TBC1D19: variants seen among roughly 807,000 people sequenced by gnomAD.
TBC1D19 encodes TBC1 domain family member 19.
A neutral mutation model predicts 89.0 loss-of-function variants in TBC1D19; 60 were observed. The ratio of observed to expected loss-of-function variants is 0.67; its 90% CI spans 0.55 to 0.84. TBC1D19 has a LOEUF of 0.84. Ranked by LOEUF, TBC1D19 falls within the 40% of genes least tolerant of loss-of-function variation. TBC1D19 has a pLI of 0.00. For missense variants in TBC1D19, 500 were observed against 610.8 expected (o/e 0.82, Z 1.91); for synonymous variants, 189 against 199.7 (o/e 0.95, Z 0.45).
intron 5 of TBC1D19, 58 bp from the exon 6 acceptor site, chr4:26,638,713 T>C: frequency 7.8e-7 from 1 of 1,289,136 alleles, no homozygotes. Flanking sequence ...TTGTTTTTAG[T>C]TGTATTGCTA....
chr4:26,816,114 T>C, the TBC1D19 span, among the ~76,000 whole-genome samples: 3 of 152,202 alleles, frequency 2.0e-5, no homozygotes, highest in African/African-American at 7.2e-5. Context: ...ACTGCCATTG[T>C]AGTTCAAAGG....
chr4:26,653,019 C>A (rs1008255140), intron 7 of TBC1D19, among the ~76,000 whole-genome samples: 4 of 152,180 alleles, frequency 2.6e-5, no homozygotes, highest in Non-Finnish European at 5.9e-5. Context: ...CCATAAATTT[C>A]CTTCTACATA....
At chr4:26,643,443 T>C (rs1263421301) in intron 7 of TBC1D19, among the ~76,000 whole-genome samples, 1 of 152,136 alleles carries the variant, frequency 6.6e-6, no homozygotes, top group African/African-American at 2.4e-5. Context: ...AGGGGGAAAT[T>C]TATAGCACTA....
intron 13 of TBC1D19, among the ~76,000 whole-genome samples, chr4:26,697,012 G>A (rs1413328503): frequency 6.6e-6 from 1 of 152,074 alleles, no homozygotes; most frequent in Non-Finnish European, 1.5e-5. Flanking sequence ...TAAGATCAGA[G>A]AAGAACTGAA....
the TBC1D19 span, among the ~76,000 whole-genome samples, chr4:26,807,293 A>C: frequency 2.6e-5 from 4 of 152,040 alleles, no homozygotes; most frequent in East Asian, 1.9e-4. Context: ...CATAGCCGCC[A>C]CCCGCAACAA....
At chr4:26,741,216 C>G (rs980104840) in intron 17 of TBC1D19, among the ~76,000 whole-genome samples, 2 of 151,776 alleles carry the variant, frequency 1.3e-5, no homozygotes, top group Middle Eastern at 6.8e-3. Context: ...ATTAGCCTGG[C>G]GCGGTGGCGG....
chr4:26,611,925 T>G (rs1185569397), intron 1 of TBC1D19, among the ~76,000 whole-genome samples: 3 of 152,068 alleles, frequency 2.0e-5, no homozygotes, highest in Admixed American at 6.6e-5. Flanking sequence ...ATTGCTCCAG[T>G]CTCTTCAGAT....
chr4:26,831,579 TTTTTTTTTTTTC>T, the TBC1D19 span, among the ~76,000 whole-genome samples: 961 of 107,218 alleles, frequency 9.0e-3, 11 homozygotes, highest in African/African-American at 0.051. Flanking sequence ...CTTTTTCTTC[TTTTTTTTTTTTC>T]TTTTTTTTTT....
chr4:26,626,503 G>A (rs1742409742), intron 4 of TBC1D19, among the ~76,000 whole-genome samples: 1 of 152,122 alleles, frequency 6.6e-6, no homozygotes, highest in African/African-American at 2.4e-5. Context: ...GGTTACTAAT[G>A]TGGTCTTAGT....
chr4:26,813,679 A>C, the TBC1D19 span, among the ~76,000 whole-genome samples: 1 of 152,184 alleles, frequency 6.6e-6, no homozygotes, highest in African/African-American at 2.4e-5. Flanking sequence ...ATTTTGTGTT[A>C]GGTATTTTTC....
intron 7 of TBC1D19, among the ~76,000 whole-genome samples, chr4:26,656,647 C>G (rs946873766): frequency 2.0e-5 from 3 of 151,998 alleles, no homozygotes; most frequent in Non-Finnish European, 4.4e-5. Context: ...TAACCTCCCC[C>G]TCCCGGGTTA....
the TBC1D19 span, among the ~76,000 whole-genome samples, chr4:26,794,031 T>C: frequency 1.3e-5 from 2 of 152,126 alleles, no homozygotes; most frequent in Non-Finnish European, 2.9e-5. Context: ...ACTTGGAGCT[T>C]GGAGGTGGGA....
chr4:26,626,056 G>A (rs577304827), intron 4 of TBC1D19, among the ~76,000 whole-genome samples: 1 of 152,138 alleles, frequency 6.6e-6, no homozygotes, highest in East Asian at 1.9e-4. Flanking sequence ...GAATTCCTCT[G>A]CATGAAAGAG....
chr4:26,581,008 C>T (rs1017453872), upstream of TBC1D19, among the ~76,000 whole-genome samples: 5 of 152,204 alleles, frequency 3.3e-5, no homozygotes, highest in Admixed American at 3.3e-4. Context: ...CCAGAAGTAC[C>T]TCTGTCCTAA....
the TBC1D19 span, among the ~76,000 whole-genome samples, chr4:26,799,457 A>G: frequency 1.3e-5 from 2 of 152,240 alleles, no homozygotes; most frequent in Non-Finnish European, 2.9e-5. Flanking sequence ...ATAAATATGA[A>G]AAACTTTTGT....
chr4:26,763,779 A>C, the TBC1D19 span, among the ~76,000 whole-genome samples: 1 of 152,254 alleles, frequency 6.6e-6, no homozygotes, highest in Non-Finnish European at 1.5e-5. Flanking sequence ...TCTTGAATAC[A>C]AACTTCTGTT....
At chr4:26,786,430 C>T in the TBC1D19 span, among the ~76,000 whole-genome samples, 9 of 152,066 alleles carry the variant, frequency 5.9e-5, no homozygotes, top group Admixed American at 1.3e-4. Context: ...GTCAGGAGAT[C>T]GAGACCATCC....
chr4:26,803,675 C>T, the TBC1D19 span, among the ~76,000 whole-genome samples: 26 of 152,180 alleles, frequency 1.7e-4, 1 homozygote, highest in Admixed American at 6.5e-4. Context: ...TTGTGGCAAA[C>T]GGTGCATTTG....
chr4:26,696,400 A>G (rs1714786014), intron 13 of TBC1D19, among the ~76,000 whole-genome samples: 1 of 152,196 alleles, frequency 6.6e-6, no homozygotes, highest in South Asian at 2.1e-4. Context: ...CTCCCTCACG[A>G]TAATAATGGG....
Sources: allele counts gnomAD v4.1 joint callset (sites outside exome capture counted in the v4.1 genomes callset), GRCh38; gene constraint gnomAD v4.1.1; transcripts MANE v1.5; gene names NCBI Gene and HGNC (gene_info 2026-07-23, HGNC 2026-07-21).